POLR1B: variants seen among roughly 807,000 people sequenced by gnomAD.
POLR1B encodes the protein DNA-directed RNA polymerase I subunit RPA2.
POLR1B carries 30 observed loss-of-function variants against 105.8 expected under a neutral mutation model. The ratio of observed to expected loss-of-function variants is 0.28; its 90% CI spans 0.21 to 0.38. The LOEUF is 0.38. Among genes scored for constraint, POLR1B ranks in the 10% least tolerant of loss-of-function variants. The pLI, the probability that POLR1B is intolerant of heterozygous loss-of-function variation, is 1.00. For missense variants in POLR1B, 976 were observed against 1,435.8 expected, an observed-to-expected ratio of 0.68 and a Z score of 5.17; for synonymous variants, 485 against 505.1, an observed-to-expected ratio of 0.96 and a Z score of 0.53.
chr2:112,550,716 G>A lies in POLR1B; in HGVS notation c.626-150G>A. ...TGCATGCAAGAGGACATTTGCTGAG[G>A]TTTAGAAACATTTTTGATTGCCAGT... is the stretch of plus-strand genomic sequence containing the variant. On this transcript the variant is annotated intron_variant, in intron 4 of 14. Transcript: ENST00000263331. 3 of 744,098 alleles carry A rather than the reference G, an allele frequency of 4.0e-6. No homozygotes were observed. The South Asian group carries it at 5.8e-5, about 14-fold the overall frequency. The allele number at this position is 744,098 out of a possible 1,614,324, so 46.1% of individuals were successfully genotyped here. A position where few individuals can be genotyped will look rare whatever the true frequency, so the allele number is the denominator to read the frequency against.
intron 1 of POLR1B, 119 bp downstream of exon 1, chr2:112,542,790 T>A: frequency 7.6e-7 from 1 of 1,316,120 alleles, no homozygotes; most frequent in Non-Finnish European, 1.0e-6. Flanking sequence ...GCTTGGTGGG[T>A]AAGCGGGAGA....
chr2:112,543,978 A>T (rs1037148770), intron 1 of POLR1B, among the ~76,000 whole-genome samples: 39 of 151,490 alleles, frequency 2.6e-4, no homozygotes, highest in Non-Finnish European at 5.9e-5. Flanking sequence ...GGTCCCAGCT[A>T]CTCGGGAGGC....
chr2:112,557,295 A>G (rs143726799), intron 7 of POLR1B, among the ~76,000 whole-genome samples: 43 of 152,344 alleles, frequency 2.8e-4, no homozygotes, highest in African/African-American at 1.0e-3. Flanking sequence ...ACCAGAACTC[A>G]TTCCTCCAGT....
intron 12 of POLR1B, among the ~76,000 whole-genome samples, chr2:112,570,682 A>G (rs1196087392): frequency 6.6e-6 from 1 of 152,198 alleles, no homozygotes; most frequent in Admixed American, 6.5e-5. Context: ...ATATGGGATC[A>G]CCATAGTATA....
chr2:112,560,164 C>T (rs1232968424), intron 9 of POLR1B, among the ~76,000 whole-genome samples: 1 of 151,728 alleles, frequency 6.6e-6, no homozygotes, highest in East Asian at 1.9e-4. Flanking sequence ...CGCTTGAGCC[C>T]AGGGATTTGA....
rs1160139732 is a variant in POLR1B, at chr2:112,547,113, C to T, written c.279C>T (p.Cys93=). 1 of 1,614,160 alleles carries T rather than the reference C, an allele frequency of 6.2e-7. No homozygotes were observed. The highest frequency in any genetic ancestry group is 1.7e-5 in the Admixed American group (1 of 60,018). ...SPPTVPKGTI[C]KEANVYPAEC... is the part of the protein sequence containing the mutation. ...CTACAGTTCCAAAAGGGACCATCTGCAAAGAGGCCAATGTTTATCCAGCAG... is the reference window on the plus strand; with the variant it reads ...CTACAGTTCCAAAAGGGACCATCTGTAAAGAGGCCAATGTTTATCCAGCAG... The change falls in exon 2 of 15, where the codon TGC becomes TGT. Residue 93 remains cysteine, a synonymous_variant. Coordinates refer to ENST00000263331, the MANE Select transcript of POLR1B (RefSeq NM_019014.6).
At chr2:112,570,479 T>A (rs765462730) in intron 12 of POLR1B, among the ~76,000 whole-genome samples, 10 of 152,238 alleles carry the variant, frequency 6.6e-5, no homozygotes, top group African/African-American at 2.4e-4. Context: ...TGTGATTTTG[T>A]CGTAGTGTGA....
At chr2:112,549,668 G>T (rs936712105) in intron 4 of POLR1B, among the ~76,000 whole-genome samples, 3 of 151,842 alleles carry the variant, frequency 2.0e-5, no homozygotes, top group African/African-American at 7.3e-5. Context: ...TTTCTATTGA[G>T]CATTCTTGTG....
chr2:112,552,781 C>T lies in POLR1B; in HGVS notation c.1123C>T (p.Leu375Phe), dbSNP rs764362791. 6.2e-7 allele frequency: 1 copy of T among 1,605,436 alleles called. No homozygotes were observed. The highest frequency in any genetic ancestry group is 8.5e-7 in the Non-Finnish European group (1 of 1,176,782). The change falls in exon 7 of 15, where the codon CTC (leucine) becomes TTC (phenylalanine). Residue 375 changes from leucine to phenylalanine, a missense_variant. By Grantham distance (22) the Leu-to-Phe change is conservative. Coordinates refer to ENST00000263331, the MANE Select transcript of POLR1B (RefSeq NM_019014.6). ...TGATAGTTTGGTGAACCAGGAAGTC[C>T]TCACACCGGGTCAGCTCTTCCTTAT... ...NPDSLVNQEV[L>F]TPGQLFLMFL...
chr2:112,566,259 T>C (rs1317766348), intron 10 of POLR1B, among the ~76,000 whole-genome samples: 1 of 152,240 alleles, frequency 6.6e-6, no homozygotes, highest in African/African-American at 2.4e-5. Context: ...TTGTGTTCTT[T>C]AGGTTAATTC....
At chr2:112,564,581 G>C (rs750018049) in intron 10 of POLR1B, 82 bp downstream of exon 10, 2 of 1,578,522 alleles carry the variant, frequency 1.3e-6, no homozygotes, top group Non-Finnish European at 1.7e-6. Context: ...TTAACCCCTG[G>C]GCGGTCTAGA....
chr2:112,550,227 C>G (rs951591273), intron 4 of POLR1B, among the ~76,000 whole-genome samples: 1 of 152,234 alleles, frequency 6.6e-6, no homozygotes, highest in African/African-American at 2.4e-5. Context: ...TCTTCTGGTT[C>G]AGGCCACTGT....
chr2:112,567,554 A>AT (rs1252093404), intron 10 of POLR1B, among the ~76,000 whole-genome samples: 1 of 151,178 alleles, frequency 6.6e-6, no homozygotes, highest in East Asian at 1.9e-4. Context: ...TAATTTTTTA[A>AT]TTTTTGTAGA....
chr2:112,546,937 A>G lies in POLR1B; in HGVS notation c.178-75A>G, dbSNP rs141407201. ...ACAGGCATCAATGTTTGTAGAACAC[A>G]TAAGATTTGGAAGAGTCTTAGAGAA... On this transcript the variant is annotated intron_variant, in intron 1 of 14. Coordinates refer to ENST00000263331, the MANE Select transcript of POLR1B (RefSeq NM_019014.6). 4,759 of 1,474,266 alleles carry G rather than the reference A, an allele frequency of 3.2e-3. 59 individuals carry two copies. Among genetic ancestry groups the G allele is most frequent in the Middle Eastern group, 0.028 (138 of 4,882 alleles). 91.3% of individuals were successfully genotyped at this position (1,474,266 alleles called of 1,614,324 possible).
At position 112,568,776 on chromosome 2, in the gene POLR1B, G is replaced by T; in HGVS notation, c.1948G>T (p.Glu650Ter). ...CATGAATGTCGCTATCTTTGAGGAT[G>T]AAGTTTTTGCTGGAGTTACCACACA... ...IFMNVAIFED[E>*]VFAGVTTHQE... Residue 650 changes from glutamate to a stop codon, truncating the protein, a stop_gained, in exon 12 of 15, where the codon GAA becomes TAA. Coordinates refer to ENST00000263331, the MANE Select transcript of POLR1B (RefSeq NM_019014.6). LOFTEE classifies it high-confidence loss of function. 6.2e-7 allele frequency: 1 copy of T among 1,614,134 alleles called. No homozygotes were observed. Among genetic ancestry groups the T allele is most frequent in the Non-Finnish European group, 8.5e-7 (1 of 1,179,998 alleles).
chr2:112,567,656 G>A (rs988800683), intron 10 of POLR1B, among the ~76,000 whole-genome samples: 1 of 152,138 alleles, frequency 6.6e-6, no homozygotes, highest in African/African-American at 2.4e-5. Context: ...TGGGATTACA[G>A]GTATAAGCCA....
At chr2:112,547,333 T>C in intron 2 of POLR1B, 88 bp from the exon 3 acceptor site, 2 of 1,498,042 alleles carry the variant, frequency 1.3e-6, no homozygotes, top group African/African-American at 1.4e-5. Flanking sequence ...ATTTAATTGA[T>C]CTTCTTCCTC....
At chr2:112,568,312 G>A (rs1408854151) in intron 11 of POLR1B, among the ~76,000 whole-genome samples, 175 bp downstream of exon 11, 1 of 152,146 alleles carries the variant, frequency 6.6e-6, no homozygotes, top group Non-Finnish European at 1.5e-5. Context: ...CAATTTCCAT[G>A]TCTGATCTCA....
At chr2:112,558,297 CT>C (rs1683776878) in intron 8 of POLR1B, among the ~76,000 whole-genome samples, 1 of 152,144 alleles carries the variant, frequency 6.6e-6, no homozygotes, top group Non-Finnish European at 1.5e-5. Flanking sequence ...TCTCTGCTTC[CT>C]TCTAGAAAAT....
Sources: gnomAD v4.1 joint callset for allele counts (sites outside exome capture counted in the v4.1 genomes callset) on GRCh38, gnomAD v4.1.1 for gene constraint, MANE v1.5 for transcripts, NCBI Gene and HGNC (gene_info 2026-07-23, HGNC 2026-07-21) for gene names.